The following CNTNAP2 variants were observed in gnomAD, a reference collection of about 807,000 sequenced individuals.
The protein encoded by CNTNAP2 is contactin-associated protein-like 2.
Under a neutral mutation model 155.2 loss-of-function variants are expected in CNTNAP2, and 98 were observed. That is an observed-to-expected ratio of 0.63 (90% CI 0.54 to 0.75). The LOEUF is 0.75. CNTNAP2 is among the 30% of genes least tolerant of loss of function. The pLI is 0.00. For missense variants in CNTNAP2, 1,727 were observed against 1,688.1 expected (o/e 1.02, Z -0.40); for synonymous variants, 651 against 631.2 (o/e 1.03, Z -0.47).
intron 11 of CNTNAP2, among the ~76,000 whole-genome samples, chr7:147,489,763 G>A (rs777185812): frequency 2.6e-5 from 4 of 152,058 alleles, no homozygotes; most frequent in East Asian, 3.9e-4. Flanking sequence ...CTACAGGCAC[G>A]TGCCACCATG....
intron 1 of CNTNAP2, among the ~76,000 whole-genome samples, chr7:146,308,419 G>A (rs1464893096): frequency 6.6e-6 from 1 of 152,154 alleles, no homozygotes; most frequent in East Asian, 1.9e-4. Context: ...AGACAGTGTG[G>A]CGATTCCTCA....
chr7:147,842,221 G>A (rs1798745714), intron 13 of CNTNAP2, among the ~76,000 whole-genome samples: 1 of 152,188 alleles, frequency 6.6e-6, no homozygotes, highest in African/African-American at 2.4e-5. Context: ...AGGTCACATA[G>A]GTAGTAAGTA....
intron 8 of CNTNAP2, among the ~76,000 whole-genome samples, chr7:147,267,750 T>C (rs748374984): frequency 3.3e-5 from 5 of 152,230 alleles, no homozygotes; most frequent in Non-Finnish European, 7.3e-5. Flanking sequence ...TTAATTTTCA[T>C]AGTACTCTCA....
chr7:147,269,181 T>A (rs796201933), intron 8 of CNTNAP2, among the ~76,000 whole-genome samples: 5 of 152,340 alleles, frequency 3.3e-5, no homozygotes, highest in African/African-American at 9.6e-5. Context: ...CCTTGAGGAT[T>A]GATAAAGACT....
At chr7:147,000,520 C>T (rs983366518) in intron 3 of CNTNAP2, among the ~76,000 whole-genome samples, 1 of 152,066 alleles carries the variant, frequency 6.6e-6, no homozygotes, top group Admixed American at 6.6e-5. Context: ...CTGCCTTTGT[C>T]TATGAATATC....
intron 19 of CNTNAP2, among the ~76,000 whole-genome samples, chr7:148,217,854 G>A (rs1005447819): frequency 1.3e-5 from 2 of 152,254 alleles, no homozygotes; most frequent in African/African-American, 4.8e-5. Context: ...GCTGGACACT[G>A]TGGCTCACGC....
In CNTNAP2 at chr7:148,340,484, G is replaced by A. The variant is rs1466093629; in HGVS notation, c.3476-43165G>A. 2.0e-5 allele frequency among the ~76,000 whole-genome samples: 3 copies of A among 152,290 alleles called. No homozygotes were observed. The East Asian group carries it at 5.8e-4, about 29-fold the overall frequency. On this transcript the variant is annotated intron_variant, in intron 21 of 23. Transcript: ENST00000361727. The stretch of plus-strand genomic sequence containing the variant: ...AGCATAGTGTTTGGTTATCCATGAA[G>A]GTGGCTTTAATATTTCACCCTCATA...
intron 1 of CNTNAP2, among the ~76,000 whole-genome samples, chr7:146,304,569 C>CT (rs1031951343): frequency 6.6e-6 from 1 of 152,064 alleles, no homozygotes; most frequent in Non-Finnish European, 1.5e-5. Flanking sequence ...GTTGGAAACT[C>CT]TTTTCTTTAA....
chr7:147,546,916 C>A (rs1799745843), intron 11 of CNTNAP2, among the ~76,000 whole-genome samples: 1 of 152,176 alleles, frequency 6.6e-6, no homozygotes, highest in African/African-American at 2.4e-5. Context: ...ATTTCTGAGA[C>A]TAACCCTGCT....
intron 4 of CNTNAP2, among the ~76,000 whole-genome samples, chr7:147,066,250 C>T (rs1178217717): frequency 1.3e-5 from 2 of 148,922 alleles, no homozygotes; most frequent in African/African-American, 5.2e-5. Context: ...AGCAGATCGT[C>T]GTCAGTTCTA....
chr7:147,294,055 T>G lies in CNTNAP2; in HGVS notation c.1349-6086T>G, dbSNP rs546463437. On this transcript the variant is annotated intron_variant, in intron 8 of 23. Transcript: ENST00000361727. Reference sequence around the variant, plus strand: ...ATTATAACAATGGTACATACCACACTGTATGTGGTACAGAATTATAACAGT... The same window carrying G: ...ATTATAACAATGGTACATACCACACGGTATGTGGTACAGAATTATAACAGT... Among the ~76,000 whole-genome samples the G allele has an allele frequency of 1.1e-3, 167 of 152,308 alleles. 1 individual carries two copies. The highest frequency in any genetic ancestry group is 1.5e-3 in the Admixed American group (23 of 15,296).
intron 8 of CNTNAP2, among the ~76,000 whole-genome samples, chr7:147,199,555 C>A (rs567650089): frequency 7.9e-5 from 12 of 151,332 alleles, no homozygotes; most frequent in African/African-American, 2.4e-4. Context: ...TGTGCCTTCT[C>A]TTCAAATGTG....
intron 15 of CNTNAP2, among the ~76,000 whole-genome samples, chr7:147,984,356 T>A (rs1370402929): frequency 6.6e-6 from 1 of 152,206 alleles, no homozygotes; most frequent in Non-Finnish European, 1.5e-5. Context: ...TATTTCGAGA[T>A]GGAGTTGGTG....
chr7:147,487,846 A>C (rs1381205573), intron 11 of CNTNAP2, among the ~76,000 whole-genome samples: 1 of 152,112 alleles, frequency 6.6e-6, no homozygotes, highest in East Asian at 1.9e-4. Flanking sequence ...TAAAAGACAA[A>C]AATTGTCTTT....
chr7:146,283,902 A>T (rs1355568506), intron 1 of CNTNAP2, among the ~76,000 whole-genome samples: 4 of 152,212 alleles, frequency 2.6e-5, no homozygotes, highest in Non-Finnish European at 4.4e-5. Context: ...TCTTAAAAAA[A>T]GTCTCAGAAC....
chr7:146,117,076 T>C, intron 1 of CNTNAP2, 103 bp downstream of exon 1: 1 of 963,224 alleles, frequency 1.0e-6, no homozygotes, highest in Non-Finnish European at 1.6e-6. Context: ...GCTGGCACCC[T>C]GATGTGTTTG....
chr7:146,255,584 C>T (rs567520973), intron 1 of CNTNAP2, among the ~76,000 whole-genome samples: 4 of 151,994 alleles, frequency 2.6e-5, no homozygotes, highest in Non-Finnish European at 5.9e-5. Flanking sequence ...GAAAAGCATG[C>T]AGAGAGTTAA....
intron 5 of CNTNAP2, among the ~76,000 whole-genome samples, chr7:147,109,750 G>A (rs1208708533): frequency 6.6e-6 from 1 of 151,970 alleles, no homozygotes; most frequent in Non-Finnish European, 1.5e-5. Context: ...GAGAATGAAA[G>A]GCGTTAAGTA....
intron 1 of CNTNAP2, among the ~76,000 whole-genome samples, chr7:146,605,267 T>C (rs1248301582): frequency 6.6e-6 from 1 of 151,268 alleles, no homozygotes; most frequent in African/African-American, 2.4e-5. Context: ...TTGTGTATTA[T>C]TGTACTTGTT....
Sources: gnomAD v4.1 joint callset for allele counts (sites outside exome capture counted in the v4.1 genomes callset) on GRCh38, gnomAD v4.1.1 for gene constraint, MANE v1.5 for transcripts, NCBI Gene and HGNC (gene_info 2026-07-23, HGNC 2026-07-21) for gene names.